The following ITCH variants were observed in gnomAD, a reference collection of about 807,000 sequenced individuals.
ITCH encodes E3 ubiquitin-protein ligase Itchy homolog.
ITCH carries 28 observed loss-of-function variants against 126.8 expected under a neutral mutation model. The ratio of observed to expected loss-of-function variants is 0.22; its 90% confidence interval spans 0.16 to 0.30. The LOEUF (loss-of-function observed/expected upper bound fraction) is 0.30. ITCH is among the 10% of genes least tolerant of loss of function. The pLI is 1.00. For missense variants in ITCH, 631 were observed against 1,032.4 expected (o/e 0.61, Z 5.33); for synonymous variants, 342 against 340.0 (o/e 1.01, Z -0.06).
At chr20:34,503,967 G>T (rs1425450126) in intron 23 of ITCH, among the ~76,000 whole-genome samples, 1 of 136,356 alleles carries the variant, frequency 7.3e-6, no homozygotes, top group Admixed American at 8.4e-5. Context: ...CTGCAACTTT[G>T]CTGCACAGAT....
At chr20:34,389,821 T>G (rs969557312) in intron 2 of ITCH, among the ~76,000 whole-genome samples, 1 of 150,260 alleles carries the variant, frequency 6.7e-6, no homozygotes, top group African/African-American at 2.5e-5. Flanking sequence ...GTTTAAAGAC[T>G]CTGCTGAAGA....
intron 2 of ITCH, among the ~76,000 whole-genome samples, chr20:34,383,865 T>C (rs34979294): frequency 9.2e-6 from 1 of 109,070 alleles, no homozygotes; most frequent in Non-Finnish European, 1.9e-5. Context: ...TTTTTTGAGG[T>C]GGAGTTTTCA....
chr20:34,464,099 G>A (rs758656361), intron 14 of ITCH, among the ~76,000 whole-genome samples: 51 of 150,138 alleles, frequency 3.4e-4, no homozygotes, highest in Non-Finnish European at 6.7e-4. Context: ...CTCAGCCTCC[G>A]AAGTAGCTGG....
intron 7 of ITCH, among the ~76,000 whole-genome samples, chr20:34,425,039 A>G (rs766408305): frequency 6.6e-5 from 10 of 152,224 alleles, no homozygotes; most frequent in Admixed American, 2.0e-4. Context: ...TACTGTGTCT[A>G]TGTAGAAAAG....
At chr20:34,390,561 C>T (rs547955601) in intron 2 of ITCH, among the ~76,000 whole-genome samples, 38 of 149,820 alleles carry the variant, frequency 2.5e-4, no homozygotes, top group African/African-American at 8.1e-4. Flanking sequence ...ACGATCCTCC[C>T]GCCTCAGCCT....
Position 34,440,293 on chromosome 20 carries a change from G to A in ITCH, c.818G>A (p.Gly273Asp), listed in dbSNP as rs1983578544. 6.2e-7 allele frequency: 1 copy of A among 1,613,978 alleles called. No homozygotes were observed. The change falls in exon 9 of 25, where the codon GGC becomes GAC. Residue 273 changes from glycine (G) to aspartate (D), a missense_variant. Physicochemically the swap from Gly to Asp is moderately conservative, Grantham distance 94. Around this residue, in one of 4 missense-constraint regions of ITCH, gnomAD observed 390 missense variants for 731.6 expected, o/e 0.53. Coordinates refer to ENST00000374864, the MANE Select transcript of ITCH (RefSeq NM_031483.7). ...GLIIPLTISG[G>D]SGPRPLNPVT... ...ATAATTCCTCTTACTATATCTGGAG[G>A]CTCAGGCCCTAGGCCATTAAATCCT...
At chr20:34,507,647 G>T in intron 24 of ITCH, 48 bp from the exon 25 acceptor site, 2 of 1,425,886 alleles carry the variant, frequency 1.4e-6, no homozygotes, top group South Asian at 2.3e-5. Context: ...CTACTCATTT[G>T]ATTCTTTGCA....
chr20:34,453,166 G>A (rs1464659083), intron 12 of ITCH, among the ~76,000 whole-genome samples: 1 of 152,222 alleles, frequency 6.6e-6, no homozygotes, highest in African/African-American at 2.4e-5. Context: ...TCATTAAGTA[G>A]ATGAGCCTTC....
At chr20:34,363,978 G>A (rs2037306534) in intron 1 of ITCH, among the ~76,000 whole-genome samples, 1 of 152,190 alleles carries the variant, frequency 6.6e-6, no homozygotes, top group Non-Finnish European at 1.5e-5. Context: ...ACGTGGAGCT[G>A]TCACTGCCCT....
intron 2 of ITCH, among the ~76,000 whole-genome samples, chr20:34,384,562 AG>A (rs1376773970): frequency 6.6e-6 from 1 of 151,568 alleles, no homozygotes; most frequent in Non-Finnish European, 1.5e-5. Context: ...TATAGGCTTG[AG>A]CCGCCGTGCC....
At chr20:34,475,737 C>CAGGCAG (rs910735881) in intron 16 of ITCH, among the ~76,000 whole-genome samples, 11 of 151,534 alleles carry the variant, frequency 7.3e-5, no homozygotes, top group Non-Finnish European at 7.4e-5. Context: ...CAGGCAGAGG[C>CAGGCAG]AGGCAGAGGC....
intron 2 of ITCH, among the ~76,000 whole-genome samples, chr20:34,386,169 T>A (rs1333575480): frequency 1.3e-5 from 2 of 151,992 alleles, no homozygotes; most frequent in Non-Finnish European, 2.9e-5. Context: ...TGCAGTGGTG[T>A]GATCTCAGCT....
chr20:34,381,552 G>A (rs2038064760), intron 2 of ITCH, among the ~76,000 whole-genome samples: 2 of 151,756 alleles, frequency 1.3e-5, no homozygotes, highest in South Asian at 2.1e-4. Context: ...TCAGACTCCC[G>A]GGTAGCTGGG....
At chr20:34,477,386 C>T (rs1336454415) in intron 16 of ITCH, among the ~76,000 whole-genome samples, 3 of 152,038 alleles carry the variant, frequency 2.0e-5, no homozygotes, top group Admixed American at 1.3e-4. Context: ...CAAAATTAGC[C>T]GGGCGTGGTG....
At chr20:34,409,548 T>G (rs572653569) in intron 4 of ITCH, among the ~76,000 whole-genome samples, 148 of 152,324 alleles carry the variant, frequency 9.7e-4, no homozygotes, top group African/African-American at 3.3e-3. Context: ...ACTTTCTTTT[T>G]GTACTTAACA....
At chr20:34,431,782 G>C (rs1982328035) in intron 7 of ITCH, among the ~76,000 whole-genome samples, 1 of 152,174 alleles carries the variant, frequency 6.6e-6, no homozygotes, top group Non-Finnish European at 1.5e-5. Flanking sequence ...GCTCACTCCT[G>C]TAATCCCAGC....
At chr20:34,481,291 C>G in intron 20 of ITCH, 85 bp downstream of exon 20, 1 of 1,353,618 alleles carries the variant, frequency 7.4e-7, no homozygotes. Context: ...GAGAGTATCT[C>G]CAAAAATAGT....
In ITCH at chr20:34,437,107, C is replaced by T. The variant is rs186126347; in HGVS notation, c.522-1367C>T. Among the ~76,000 whole-genome samples, 16 of 150,244 alleles carry T rather than the reference C, an allele frequency of 1.1e-4. 1 individual carries two copies. In the East Asian group the frequency reaches 2.0e-3, roughly 18 times the overall value. On this transcript the variant is annotated intron_variant, in intron 7 of 24. Coordinates refer to ENST00000374864, the MANE Select transcript of ITCH (RefSeq NM_031483.7). ...TCACACCACTGCACTCCAGCCTGGG[C>T]GATGGAATGAGACGCTGTCTCAAAA...
intron 14 of ITCH, chr20:34,466,496 G>A: frequency 2.1e-6 from 1 of 472,064 alleles, no homozygotes; most frequent in South Asian, 1.7e-5. Flanking sequence ...GGCCAATTTG[G>A]TATTAATGAA....
Sources: allele counts gnomAD v4.1 joint callset (sites outside exome capture counted in the v4.1 genomes callset), GRCh38; gene constraint gnomAD v4.1.1; regional missense constraint gnomAD v4.1.1; transcripts MANE v1.5; gene names NCBI Gene and HGNC (gene_info 2026-07-23, HGNC 2026-07-21).